CDH18: variants seen among roughly 807,000 people sequenced by gnomAD.
CDH18 encodes cadherin-18.
A neutral mutation model predicts 67.9 loss-of-function variants in CDH18; 31 were observed. The ratio of observed to expected loss-of-function variants is 0.46; its 90% CI spans 0.34 to 0.62. The LOEUF (loss-of-function observed/expected upper bound fraction) is 0.62, where lower values mean the gene tolerates loss of function less well. Among genes scored for constraint, CDH18 ranks in the 20% least tolerant of loss-of-function variants. The pLI, the probability that CDH18 is intolerant of heterozygous loss-of-function variation, is 0.01. For synonymous variants in CDH18, 362 were observed against 347.2 expected, an observed-to-expected ratio of 1.04 and a Z score of -0.48; for missense variants, 890 against 975.5, an observed-to-expected ratio of 0.91 and a Z score of 1.17.
chr5:19,742,203 C>T (rs1769304951), intron 4 of CDH18, among the ~76,000 whole-genome samples: 1 of 152,022 alleles, frequency 6.6e-6, no homozygotes, highest in East Asian at 1.9e-4. Context: ...CAATATAGCG[C>T]AGTGCAATTA....
At chr5:20,378,774 G>T (rs1743671088) in intron 1 of CDH18, among the ~76,000 whole-genome samples, 1 of 151,962 alleles carries the variant, frequency 6.6e-6, no homozygotes, top group African/African-American at 2.4e-5. Context: ...CATTAATTTG[G>T]GTCTTTGAGG....
intron 1 of CDH18, among the ~76,000 whole-genome samples, chr5:20,482,456 C>T (rs1466615580): frequency 1.3e-5 from 2 of 151,648 alleles, no homozygotes; most frequent in African/African-American, 4.8e-5. Context: ...ACCCTGATAC[C>T]AAAATTAGAC....
At chr5:20,281,285 G>C (rs994155328) in intron 1 of CDH18, among the ~76,000 whole-genome samples, 2 of 152,140 alleles carry the variant, frequency 1.3e-5, no homozygotes, top group Non-Finnish European at 2.9e-5. Context: ...CCTTGCCCAT[G>C]CCTATGTCCT....
chr5:20,326,911 G>T (rs1202592081), intron 1 of CDH18, among the ~76,000 whole-genome samples: 1 of 152,078 alleles, frequency 6.6e-6, no homozygotes. Flanking sequence ...ATAATTGCAC[G>T]ATCTAGTTAA....
intron 1 of CDH18, among the ~76,000 whole-genome samples, chr5:20,511,307 A>G (rs967175864): frequency 6.6e-6 from 1 of 152,222 alleles, no homozygotes; most frequent in Non-Finnish European, 1.5e-5. Flanking sequence ...AACAATCCAT[A>G]AGTGGACAAA....
intron 8 of CDH18, among the ~76,000 whole-genome samples, chr5:19,560,546 A>G (rs1739264622): frequency 6.6e-6 from 1 of 152,150 alleles, no homozygotes; most frequent in Admixed American, 6.6e-5. Flanking sequence ...TAAAACCTGA[A>G]ACCATAAAAT....
chr5:19,849,225 T>C (rs939680056), intron 2 of CDH18, among the ~76,000 whole-genome samples: 15 of 152,024 alleles, frequency 9.9e-5, no homozygotes, highest in African/African-American at 3.4e-4. Flanking sequence ...GGTATTGGCA[T>C]GAGAGTCAGC....
At chr5:19,524,446 T>A (rs549073028) in intron 9 of CDH18, among the ~76,000 whole-genome samples, 1 of 151,698 alleles carries the variant, frequency 6.6e-6, no homozygotes, top group African/African-American at 2.4e-5. Flanking sequence ...TGTTATTACA[T>A]TATTTCAAAA....
intron 2 of CDH18, among the ~76,000 whole-genome samples, chr5:19,957,287 C>T (rs1258924329): frequency 6.6e-6 from 1 of 151,336 alleles, no homozygotes. Context: ...CATAAACACA[C>T]AAACATGCAT....
intron 6 of CDH18, among the ~76,000 whole-genome samples, chr5:19,606,420 T>C (rs918920932): frequency 1.3e-5 from 2 of 152,106 alleles, no homozygotes; most frequent in African/African-American, 4.8e-5. Flanking sequence ...ATGTTTATGG[T>C]TAATATGTTT....
intron 2 of CDH18, among the ~76,000 whole-genome samples, chr5:19,855,353 T>C (rs1196348149): frequency 1.3e-5 from 2 of 152,188 alleles, no homozygotes; most frequent in Non-Finnish European, 2.9e-5. Context: ...TAGCCATTTA[T>C]ATCTCCTTCT....
At chr5:20,087,590 C>A (rs1282338681) in intron 2 of CDH18, among the ~76,000 whole-genome samples, 2 of 152,086 alleles carry the variant, frequency 1.3e-5, no homozygotes, top group East Asian at 3.9e-4. Flanking sequence ...CCATTAGCAA[C>A]AAGGCAAGGC....
At chr5:19,996,090 T>TGACC (rs1735992342) in intron 2 of CDH18, among the ~76,000 whole-genome samples, 1 of 152,234 alleles carries the variant, frequency 6.6e-6, no homozygotes, top group African/African-American at 2.4e-5. Flanking sequence ...AATCAGAACT[T>TGACC]AAGGTTGACC....
intron 9 of CDH18, among the ~76,000 whole-genome samples, chr5:19,539,092 C>A (rs1051697913): frequency 6.6e-6 from 1 of 152,124 alleles, no homozygotes; most frequent in African/African-American, 2.4e-5. Context: ...TCGGTGCATG[C>A]ATTTCATTTC....
chr5:20,138,910 A>C (rs1749985377), intron 2 of CDH18, among the ~76,000 whole-genome samples: 1 of 152,134 alleles, frequency 6.6e-6, no homozygotes, highest in Non-Finnish European at 1.5e-5. Context: ...TATAGATTCA[A>C]TGCCATCCTC....
At chr5:19,629,740 C>A (rs1752125267) in intron 5 of CDH18, among the ~76,000 whole-genome samples, 1 of 152,064 alleles carries the variant, frequency 6.6e-6, no homozygotes, top group Non-Finnish European at 1.5e-5. Flanking sequence ...AGGTATACTT[C>A]AAATTTAATC....
intron 1 of CDH18, among the ~76,000 whole-genome samples, chr5:20,533,176 T>C (rs1047881533): frequency 7.9e-5 from 12 of 152,044 alleles, no homozygotes; most frequent in African/African-American, 2.9e-4. Flanking sequence ...TCAAGGAATG[T>C]CTAAGGTGAA....
At chr5:20,212,053 C>T (rs1561881180) in intron 2 of CDH18, among the ~76,000 whole-genome samples, 2 of 152,038 alleles carry the variant, frequency 1.3e-5, no homozygotes, top group Admixed American at 6.6e-5. Flanking sequence ...AGATGAATGG[C>T]TAACTAGAGT....
chr5:19,670,327 T>C (rs1161128550), intron 5 of CDH18, among the ~76,000 whole-genome samples: 1 of 152,046 alleles, frequency 6.6e-6, no homozygotes, highest in East Asian at 1.9e-4. Context: ...AACAGAAAAT[T>C]CTGTTAGTGA....
Sources: gnomAD v4.1 joint callset for allele counts (sites outside exome capture counted in the v4.1 genomes callset) on GRCh38, gnomAD v4.1.1 for gene constraint, MANE v1.5 for transcripts, NCBI Gene and HGNC (gene_info 2026-07-23, HGNC 2026-07-21) for gene names.